GPHN: variants seen among roughly 807,000 people sequenced by gnomAD.
GPHN encodes the protein gephyrin.
In GPHN, 17 loss-of-function variants were observed where a neutral mutation model predicts 95.5. The observed-to-expected ratio is 0.18, with a 90% CI of 0.12 to 0.27. GPHN has a LOEUF of 0.27. GPHN is among the 10% of genes least tolerant of loss of function. The pLI, the probability that GPHN is intolerant of heterozygous loss-of-function variation, is 1.00. For missense variants in GPHN, 660 were observed against 978.1 expected (o/e 0.67, Z 4.34); for synonymous variants, 320 against 322.5 (o/e 0.99, Z 0.08).
chr14:66,652,490 A>G (rs1016394816), intron 1 of GPHN, among the ~76,000 whole-genome samples: 7 of 151,168 alleles, frequency 4.6e-5, no homozygotes, highest in South Asian at 4.2e-4. Context: ...ACACAAAGAA[A>G]CATTAAATGC....
At chr14:66,657,237 A>G (rs1005367746) in intron 1 of GPHN, among the ~76,000 whole-genome samples, 7 of 152,230 alleles carry the variant, frequency 4.6e-5, no homozygotes, top group Non-Finnish European at 1.0e-4. Flanking sequence ...AGCCCTACAA[A>G]GGCTAAGTGA....
At chr14:67,220,253 T>A in the GPHN span, among the ~76,000 whole-genome samples, 3 of 152,008 alleles carry the variant, frequency 2.0e-5, no homozygotes, top group Non-Finnish European at 4.4e-5. Flanking sequence ...CTGGGCAATA[T>A]GTCAAGACCC....
chr14:66,837,750 G>C (rs1331420253), intron 4 of GPHN, among the ~76,000 whole-genome samples: 1 of 151,670 alleles, frequency 6.6e-6, no homozygotes, highest in East Asian at 1.9e-4. Flanking sequence ...TTGCAATTTT[G>C]AGAATAAGGC....
At chr14:67,645,720 A>C in the GPHN span, 9 of 1,614,036 alleles carry the variant, frequency 5.6e-6, no homozygotes, top group Non-Finnish European at 7.6e-6. Context: ...GCCCATGCTG[A>C]CATCAACACA....
At chr14:67,302,550 C>T in the GPHN span, 1 of 1,556,726 alleles carries the variant, frequency 6.4e-7, no homozygotes. Context: ...GGAAAGATGT[C>T]AATGAGGTTT....
chr14:67,709,888 G>T, the GPHN span, among the ~76,000 whole-genome samples: 5 of 152,168 alleles, frequency 3.3e-5, no homozygotes, highest in Non-Finnish European at 1.5e-5. Context: ...TCTCAAGCTG[G>T]AAACTGCTTA....
At chr14:66,684,359 C>G (rs1333692814) in intron 2 of GPHN, among the ~76,000 whole-genome samples, 1 of 152,042 alleles carries the variant, frequency 6.6e-6, no homozygotes, top group Non-Finnish European at 1.5e-5. Context: ...TGAGCAGATA[C>G]AGAATTTCTG....
chr14:67,111,505 G>A (rs186507515), intron 14 of GPHN, among the ~76,000 whole-genome samples: 3 of 151,992 alleles, frequency 2.0e-5, no homozygotes, highest in Admixed American at 6.6e-5. Flanking sequence ...CTCCACACAC[G>A]TTCACTTTAT....
the GPHN span, chr14:67,555,894 A>G: frequency 1.9e-6 from 3 of 1,613,184 alleles, no homozygotes; most frequent in East Asian, 2.2e-5. Flanking sequence ...CCAGGTAACC[A>G]GGGGAGGGGA....
chr14:67,068,068 T>TC (rs1346455976), intron 11 of GPHN, among the ~76,000 whole-genome samples: 1 of 152,188 alleles, frequency 6.6e-6, no homozygotes, highest in Non-Finnish European at 1.5e-5. Flanking sequence ...ATGGAGCTGT[T>TC]CCTATTCGGC....
At chr14:67,395,323 C>A in the GPHN span, 3 of 1,297,010 alleles carry the variant, frequency 2.3e-6, no homozygotes, top group East Asian at 2.3e-5. Context: ...GCACAGAGCC[C>A]CCCCAAGGGG....
chr14:67,136,347 T>C (rs1028085727), intron 17 of GPHN, among the ~76,000 whole-genome samples: 10 of 152,194 alleles, frequency 6.6e-5, no homozygotes, highest in Non-Finnish European at 1.3e-4. Flanking sequence ...AAGCTGCTAG[T>C]CTTCTATTAA....
At chr14:67,119,959 G>A (rs145737181) in intron 16 of GPHN, among the ~76,000 whole-genome samples, 1,670 of 152,046 alleles carry the variant, frequency 0.011, 19 homozygotes, top group Middle Eastern at 0.017. Context: ...GCAAACCCCC[G>A]TCTCTACTAA....
At chr14:67,070,715 A>AAAATATATATATATAT in intron 11 of GPHN, among the ~76,000 whole-genome samples, 6 of 80,676 alleles carry the variant, frequency 7.4e-5, no homozygotes, top group African/African-American at 5.0e-4. Flanking sequence ...AAAAAAAAAA[A>AAAATATATATATATAT]ATATATATAT....
the GPHN span, chr14:67,279,367 T>C: frequency 2.5e-6 from 4 of 1,613,366 alleles, no homozygotes; most frequent in South Asian, 1.1e-5. Context: ...CAGGAGGACA[T>C]GAGGCGTAGG....
intron 5 of GPHN, among the ~76,000 whole-genome samples, chr14:66,899,364 A>C (rs1443469456): frequency 6.6e-6 from 1 of 151,856 alleles, no homozygotes; most frequent in Non-Finnish European, 1.5e-5. Context: ...GAAAGCACTC[A>C]ATGTTTCACT....
At chr14:67,325,979 C>CTTTTTT in the GPHN span, among the ~76,000 whole-genome samples, 102 of 110,148 alleles carry the variant, frequency 9.3e-4, 1 homozygote, top group East Asian at 2.1e-3. Context: ...CGGCTCTTTT[C>CTTTTTT]TTTTTTTTTT....
chr14:67,648,517 G>C, the GPHN span: 1 of 180,394 alleles, frequency 5.5e-6, no homozygotes, highest in South Asian at 1.5e-4. Context: ...TAAGATAAGA[G>C]TGCAAGGCTG....
the GPHN span, among the ~76,000 whole-genome samples, chr14:67,538,957 A>G: frequency 2.6e-5 from 4 of 152,228 alleles, no homozygotes; most frequent in Non-Finnish European, 5.9e-5. Context: ...CACTCTCCCA[A>G]TAGAATCTGA....
Sources: gnomAD v4.1 joint callset for allele counts (sites outside exome capture counted in the v4.1 genomes callset) on GRCh38, gnomAD v4.1.1 for gene constraint, MANE v1.5 for transcripts, NCBI Gene and HGNC (gene_info 2026-07-23, HGNC 2026-07-21) for gene names.